The following SLC39A11 variants were observed in gnomAD, a reference collection of about 807,000 sequenced individuals.
SLC39A11 encodes the protein zinc transporter ZIP11.
Under a neutral mutation model 36.1 loss-of-function variants are expected in SLC39A11, and 33 were observed. The observed-to-expected ratio is 0.91, with a 90% CI of 0.69 to 1.22. SLC39A11 has a LOEUF of 1.22. SLC39A11 is among the 50% of genes most tolerant of loss of function. The pLI is 0.00. For missense variants in SLC39A11, 432 were observed against 430.3 expected (o/e 1.00, Z -0.03); for synonymous variants, 166 against 170.3 (o/e 0.97, Z 0.20).
At chr17:72,750,939 T>C (rs2075131856) in intron 6 of SLC39A11, among the ~76,000 whole-genome samples, 1 of 152,168 alleles carries the variant, frequency 6.6e-6, no homozygotes, top group Admixed American at 6.6e-5. Flanking sequence ...GCTGGCATTA[T>C]GGCTTAGCTC....
chr17:72,746,099 T>A (rs529231984), intron 6 of SLC39A11, among the ~76,000 whole-genome samples: 1 of 152,282 alleles, frequency 6.6e-6, no homozygotes, highest in African/African-American at 2.4e-5. Flanking sequence ...GGTGTCCTTC[T>A]CTGCATGAGG....
chr17:72,883,580 TTG>T (rs142597883), intron 5 of SLC39A11, among the ~76,000 whole-genome samples: 7,136 of 151,948 alleles, frequency 0.047, 194 homozygotes, highest in Non-Finnish European at 0.06. Flanking sequence ...TCCCGGTGGA[TTG>T]TGTCTGATTC....
At chr17:72,778,589 T>A (rs1653427358) in intron 6 of SLC39A11, among the ~76,000 whole-genome samples, 1 of 152,254 alleles carries the variant, frequency 6.6e-6, no homozygotes, top group Non-Finnish European at 1.5e-5. Context: ...CAACACAAAA[T>A]GATGATGGCC....
Position 72,912,673 on chromosome 17 carries a change from G to A in SLC39A11, c.430+35079C>T, listed in dbSNP as rs1480635404. On this transcript the variant is annotated intron_variant, in intron 5 of 9. Coordinates refer to ENST00000255559, the MANE Select transcript of SLC39A11 (RefSeq NM_139177.4). ...ACGGAGGAGAACCTGAGGGTACGGG[G>A]GTGAGGAGGAAACACCGGACCAGAA... is the stretch of plus-strand genomic sequence containing the variant. Among the ~76,000 whole-genome samples the A allele has an allele frequency of 5.3e-5, 8 of 152,174 alleles. No individual in the cohort carries two copies. The South Asian group carries it at 1.5e-3, about 28-fold the overall frequency.
chr17:72,673,452 G>A (rs1443599864), intron 7 of SLC39A11, among the ~76,000 whole-genome samples: 1 of 152,060 alleles, frequency 6.6e-6, no homozygotes, highest in Admixed American at 6.6e-5. Context: ...TGAGATTCTT[G>A]TATCTACAAT....
intron 5 of SLC39A11, among the ~76,000 whole-genome samples, chr17:72,883,563 T>C (rs2081311881): frequency 6.6e-6 from 1 of 151,508 alleles, no homozygotes; most frequent in Admixed American, 6.6e-5. Flanking sequence ...GGTTCTAGTC[T>C]CTGTTCTCCC....
intron 6 of SLC39A11, among the ~76,000 whole-genome samples, chr17:72,831,455 G>A (rs2078282908): frequency 6.6e-6 from 1 of 152,190 alleles, no homozygotes; most frequent in African/African-American, 2.4e-5. Flanking sequence ...AATCACCTGT[G>A]AAGCAGAGGG....
At chr17:72,916,776 G>C (rs1009578365) in intron 5 of SLC39A11, among the ~76,000 whole-genome samples, 2 of 152,018 alleles carry the variant, frequency 1.3e-5, no homozygotes, top group African/African-American at 4.8e-5. Flanking sequence ...CTCCCAAAAG[G>C]CTTCCCCATC....
chr17:72,953,070 C>T (rs2085981331), intron 4 of SLC39A11, among the ~76,000 whole-genome samples: 1 of 152,170 alleles, frequency 6.6e-6, no homozygotes, highest in Non-Finnish European at 1.5e-5. Flanking sequence ...CTTCCCGCAT[C>T]CCCACCCACT....
At chr17:72,697,496 C>T (rs1225461221) in intron 7 of SLC39A11, among the ~76,000 whole-genome samples, 2 of 152,140 alleles carry the variant, frequency 1.3e-5, no homozygotes, top group African/African-American at 4.8e-5. Context: ...TGGGGAGAGG[C>T]TCTGTCTCAC....
intron 6 of SLC39A11, among the ~76,000 whole-genome samples, chr17:72,804,334 T>C (rs2077185662): frequency 6.6e-6 from 1 of 152,164 alleles, no homozygotes; most frequent in Non-Finnish European, 1.5e-5. Flanking sequence ...GTCAATGTCC[T>C]AGAAAGCTCA....
At chr17:72,867,758 G>GCACACACACACA in intron 5 of SLC39A11, among the ~76,000 whole-genome samples, 1 of 137,318 alleles carries the variant, frequency 7.3e-6, no homozygotes, top group East Asian at 2.0e-4. Flanking sequence ...TGAAGTGCGC[G>GCACACACACACA]CGCACACACA....
At chr17:72,863,693 G>A (rs1284731502) in intron 5 of SLC39A11, among the ~76,000 whole-genome samples, 1 of 152,202 alleles carries the variant, frequency 6.6e-6, no homozygotes, top group Non-Finnish European at 1.5e-5. Context: ...AGTAAGCCTT[G>A]TAGAATCGCC....
rs2082397124 is a variant in SLC39A11 at position 72,901,575 on chromosome 17, A to C, written c.430+46177T>G. On this transcript the variant is annotated intron_variant, in intron 5 of 9. Transcript: ENST00000255559. ...GGACTATAACTGGATATTTGTGTGAAGATTCACCACTGTCTTCCCCAGCAG... is the reference window on the plus strand; with the variant it reads ...GGACTATAACTGGATATTTGTGTGACGATTCACCACTGTCTTCCCCAGCAG... Among the ~76,000 whole-genome samples the C allele has an allele frequency of 2.0e-5, 3 of 152,218 alleles. No homozygotes were observed. The South Asian group carries it at 6.2e-4, about 32-fold the overall frequency.
At chr17:72,918,920 G>A (rs193285233) in intron 5 of SLC39A11, among the ~76,000 whole-genome samples, 123 of 152,016 alleles carry the variant, frequency 8.1e-4, no homozygotes, top group African/African-American at 2.8e-3. Context: ...AAAATTAGCT[G>A]GGCGTGGTGG....
chr17:72,980,164 G>A (rs977385254), intron 4 of SLC39A11, among the ~76,000 whole-genome samples: 4 of 152,086 alleles, frequency 2.6e-5, no homozygotes, highest in African/African-American at 4.8e-5. Context: ...TCTAAAGAAC[G>A]ATTATTAACA....
chr17:72,934,010 G>T (rs2084588923), intron 5 of SLC39A11, among the ~76,000 whole-genome samples: 1 of 151,964 alleles, frequency 6.6e-6, no homozygotes, highest in Admixed American at 6.6e-5. Context: ...AAATGCTGCT[G>T]GGACAATTTA....
chr17:72,799,643 C>T (rs1353639554), intron 6 of SLC39A11, among the ~76,000 whole-genome samples: 2 of 152,092 alleles, frequency 1.3e-5, no homozygotes, highest in Non-Finnish European at 2.9e-5. Context: ...TGAGATACGC[C>T]CTGGTCTCCT....
chr17:72,995,042 T>C (rs1363416983), intron 4 of SLC39A11, among the ~76,000 whole-genome samples: 1 of 152,198 alleles, frequency 6.6e-6, no homozygotes, highest in Non-Finnish European at 1.5e-5. Flanking sequence ...TTCTTCAACC[T>C]GGACAGAGAG....
Sources: allele counts gnomAD v4.1 joint callset (sites outside exome capture counted in the v4.1 genomes callset), GRCh38; gene constraint gnomAD v4.1.1; transcripts MANE v1.5; gene names NCBI Gene and HGNC (gene_info 2026-07-23, HGNC 2026-07-21).